CDC37L1: variants seen among roughly 807,000 people sequenced by gnomAD.
CDC37L1 encodes the protein hsp90 co-chaperone Cdc37-like 1.
CDC37L1 carries 32 observed loss-of-function variants against 45.9 expected under a neutral mutation model. The observed-to-expected ratio is 0.70, with a 90% CI of 0.53 to 0.94. CDC37L1 has a LOEUF of 0.94. Among genes scored for constraint, CDC37L1 ranks in the 40% least tolerant of loss-of-function variants. The pLI is 0.00. For synonymous variants in CDC37L1, 150 were observed against 133.0 expected (o/e 1.13, Z -0.88); for missense variants, 434 against 405.7 (o/e 1.07, Z -0.60).
intron 3 of CDC37L1, among the ~76,000 whole-genome samples, chr9:4,689,444 CCA>C (rs1223733695): frequency 6.6e-6 from 1 of 151,272 alleles, no homozygotes; most frequent in Non-Finnish European, 1.5e-5. Flanking sequence ...GTTTATTTAC[CCA>C]ACGTTTTTTG....
intron 3 of CDC37L1, among the ~76,000 whole-genome samples, chr9:4,696,134 T>C (rs997121831): frequency 6.6e-6 from 1 of 152,154 alleles, no homozygotes; most frequent in Non-Finnish European, 1.5e-5. Flanking sequence ...TATTTTTGAT[T>C]GACTCACATT....
chr9:4,699,236 C>T (rs1182365772), intron 5 of CDC37L1, among the ~76,000 whole-genome samples: 2 of 152,158 alleles, frequency 1.3e-5, no homozygotes, highest in African/African-American at 4.8e-5. Flanking sequence ...TTGAGTATTC[C>T]TAATCCAAAA....
At chr9:4,682,040 A>G (rs1245078169) in intron 1 of CDC37L1, among the ~76,000 whole-genome samples, 1 of 152,170 alleles carries the variant, frequency 6.6e-6, no homozygotes, top group Non-Finnish European at 1.5e-5. Flanking sequence ...TAAGACATAC[A>G]TTATTTTTAG....
At chr9:4,688,277 C>T (rs904782900) in intron 2 of CDC37L1, among the ~76,000 whole-genome samples, 2 of 152,174 alleles carry the variant, frequency 1.3e-5, no homozygotes, top group African/African-American at 2.4e-5. Flanking sequence ...GGATTACAGG[C>T]GTGAGCCACC....
At chr9:4,705,559 A>G (rs1294573846) in intron 6 of CDC37L1, among the ~76,000 whole-genome samples, 2 of 152,196 alleles carry the variant, frequency 1.3e-5, no homozygotes, top group African/African-American at 2.4e-5. Context: ...GACCCTGAAG[A>G]TATCCATAAT....
At chr9:4,702,804 G>T (rs1161666540) in intron 6 of CDC37L1, among the ~76,000 whole-genome samples, 3 of 150,480 alleles carry the variant, frequency 2.0e-5, no homozygotes, top group Non-Finnish European at 4.4e-5. Flanking sequence ...CAGGAGAATG[G>T]CGTGAACCCG....
At chr9:4,703,871 G>C (rs975445216) in intron 6 of CDC37L1, among the ~76,000 whole-genome samples, 1 of 152,154 alleles carries the variant, frequency 6.6e-6, no homozygotes, top group Admixed American at 6.5e-5. Context: ...CTGTATTGCT[G>C]ATATTATCAG....
At chr9:4,697,947 A>C (rs1214329103) in intron 5 of CDC37L1, 68 bp downstream of exon 5, 1 of 1,475,030 alleles carries the variant, frequency 6.8e-7, no homozygotes. Context: ...TGTTCTGTTC[A>C]TATCAATAGA....
At chr9:4,688,674 A>G in intron 3 of CDC37L1, 68 bp downstream of exon 3, 1 of 1,026,240 alleles carries the variant, frequency 9.7e-7, no homozygotes, top group Non-Finnish European at 1.4e-6. Flanking sequence ...CAAAAAATGG[A>G]TTTATAAAAA....
intron 3 of CDC37L1, among the ~76,000 whole-genome samples, chr9:4,696,490 AAAAG>A (rs1001759428): frequency 6.6e-6 from 1 of 152,094 alleles, no homozygotes; most frequent in Admixed American, 6.5e-5. Flanking sequence ...ATGGAGAAAA[AAAAG>A]AAGAGAAAAA....
intron 1 of CDC37L1, among the ~76,000 whole-genome samples, chr9:4,680,230 C>T (rs1467701883): frequency 6.6e-6 from 1 of 152,192 alleles, no homozygotes; most frequent in Non-Finnish European, 1.5e-5. Context: ...GTAACATTGA[C>T]CCTTTGTCCT....
chr9:4,698,187 T>C (rs1019506807), intron 5 of CDC37L1, among the ~76,000 whole-genome samples: 1 of 152,090 alleles, frequency 6.6e-6, no homozygotes, highest in Non-Finnish European at 1.5e-5. Context: ...AAAGCACAGC[T>C]GTTTCAGATG....
At position 4,707,107 on chromosome 9, in the gene CDC37L1, C is replaced by CTATT. The variant is rs1841450944; in HGVS notation, c.*997_*1000dup. 2.0e-5 allele frequency: 3 copies of CTATT among 152,028 alleles called. No homozygotes were observed. Among genetic ancestry groups the CTATT allele is most frequent in the Admixed American group, 6.6e-5 (1 of 15,254 alleles). 9.4% of individuals were successfully genotyped at this position (152,028 alleles called of 1,614,324 possible). A position where few individuals can be genotyped will look rare whatever the true frequency, so the allele number is the denominator to read the frequency against. ...CTAACTGCCTTGAGCTGCCAATTAC[C>CTATT]TATTTCTGAGAATTTGGTGACTCTT... On this transcript the variant is annotated 3_prime_UTR_variant, in exon 7 of 7. Coordinates refer to ENST00000381854, the MANE Select transcript of CDC37L1 (RefSeq NM_017913.4).
Position 4,688,530 on chromosome 9 carries a change from TAAAAG to T in CDC37L1, c.439_443del (p.Lys147HisfsTer4), listed in dbSNP as rs749471997. On this transcript the variant is annotated frameshift_variant, in exon 3 of 7. Transcript: ENST00000381854. LOFTEE classifies it high-confidence loss of function. The stretch of plus-strand genomic sequence containing the variant: ...TTTCTTAGAGTTTTATTAATCAAGA[TAAAAG>T]AAAAGACACAGAAGATGAAGATAAA... The T allele has an allele frequency of 6.7e-6, 10 of 1,502,864 alleles. No homozygotes were observed. Among genetic ancestry groups the T allele is most frequent in the South Asian group, 1.3e-5 (1 of 78,308 alleles). The allele number at this position is 1,502,864 out of a possible 1,614,324, so 93.1% of individuals were successfully genotyped here.
intron 1 of CDC37L1, among the ~76,000 whole-genome samples, chr9:4,682,002 A>G (rs1279625086): frequency 6.6e-6 from 1 of 152,158 alleles, no homozygotes; most frequent in Non-Finnish European, 1.5e-5. Flanking sequence ...CAAATGGCCA[A>G]ATGTTGTCTG....
intron 1 of CDC37L1, among the ~76,000 whole-genome samples, chr9:4,684,299 T>TAA (rs1841225957): frequency 6.6e-6 from 1 of 152,142 alleles, no homozygotes. Context: ...TATATATATA[T>TAA]AATTTGCCTA....
chr9:4,680,612 TGTG>T (rs1181023439), intron 1 of CDC37L1, among the ~76,000 whole-genome samples: 1 of 115,574 alleles, frequency 8.7e-6, no homozygotes, highest in Non-Finnish European at 1.7e-5. Flanking sequence ...CGTATCCAAA[TGTG>T]ATATACTATT....
chr9:4,702,176 C>T, intron 6 of CDC37L1, 148 bp downstream of exon 6: 1 of 453,166 alleles, frequency 2.2e-6, no homozygotes, highest in Non-Finnish European at 3.8e-6. Flanking sequence ...TACTTCATGC[C>T]ATGTTTTGGT....
intron 2 of CDC37L1, among the ~76,000 whole-genome samples, chr9:4,687,989 A>G (rs1841265626): frequency 6.6e-6 from 1 of 152,164 alleles, no homozygotes; most frequent in South Asian, 2.1e-4. Flanking sequence ...ACCTATATCC[A>G]CACATATATC....
Sources: allele counts gnomAD v4.1 joint callset (sites outside exome capture counted in the v4.1 genomes callset), GRCh38; gene constraint gnomAD v4.1.1; transcripts MANE v1.5; gene names NCBI Gene and HGNC (gene_info 2026-07-23, HGNC 2026-07-21).